Variants in TMEM163 observed in about 807,000 individuals in gnomAD.
TMEM163 encodes transmembrane protein 163.
A neutral mutation model predicts 29.3 loss-of-function variants in TMEM163; 17 were observed. The observed-to-expected ratio is 0.58, with a 90% CI of 0.40 to 0.87. The LOEUF (loss-of-function observed/expected upper bound fraction) is 0.87. Among genes scored for constraint, TMEM163 ranks in the 40% least tolerant of loss-of-function variants. The pLI, the probability that TMEM163 is intolerant of heterozygous loss-of-function variation, is 0.00. For missense variants in TMEM163, 303 were observed against 381.5 expected (o/e 0.79, Z 1.71); for synonymous variants, 157 against 160.6 (o/e 0.98, Z 0.17).
At chr2:134,656,551 TTCGGCCA>T (rs1683621364) in intron 2 of TMEM163, among the ~76,000 whole-genome samples, 1 of 152,202 alleles carries the variant, frequency 6.6e-6, no homozygotes, top group South Asian at 2.1e-4. Flanking sequence ...GCTGTTCCTA[TTCGGCCA>T]TCTTGGCTCC....
At chr2:134,512,804 G>A (rs562079953) in intron 4 of TMEM163, among the ~76,000 whole-genome samples, 21 of 152,306 alleles carry the variant, frequency 1.4e-4, no homozygotes, top group African/African-American at 5.1e-4. Context: ...GAAGCCACAG[G>A]GCGCACAAAC....
chr2:134,509,257 C>T (rs1013188590), intron 4 of TMEM163, among the ~76,000 whole-genome samples: 1 of 152,192 alleles, frequency 6.6e-6, no homozygotes, highest in African/African-American at 2.4e-5. Flanking sequence ...TAATTAAAAA[C>T]CAAATGGCCA....
chr2:134,661,852 G>A (rs1683758195), intron 2 of TMEM163, among the ~76,000 whole-genome samples: 2 of 151,666 alleles, frequency 1.3e-5, no homozygotes, highest in Admixed American at 1.3e-4. Flanking sequence ...AGTTTTAATG[G>A]AGTCAAAATT....
chr2:134,510,675 A>G (rs1356228923), intron 4 of TMEM163, among the ~76,000 whole-genome samples: 1 of 152,108 alleles, frequency 6.6e-6, no homozygotes, highest in East Asian at 1.9e-4. Context: ...GACACAAAGG[A>G]AGAGGTAGCG....
intron 4 of TMEM163, among the ~76,000 whole-genome samples, chr2:134,521,365 C>T (rs960269606): frequency 6.6e-6 from 1 of 152,094 alleles, no homozygotes; most frequent in Non-Finnish European, 1.5e-5. Flanking sequence ...CAATTTTGCA[C>T]CCTAGAGAAC....
intron 2 of TMEM163, among the ~76,000 whole-genome samples, chr2:134,670,255 A>C (rs1179520348): frequency 6.6e-6 from 1 of 152,174 alleles, no homozygotes; most frequent in Non-Finnish European, 1.5e-5. Flanking sequence ...CCTTTAAAAA[A>C]AAAAGTAAGA....
intron 5 of TMEM163, among the ~76,000 whole-genome samples, chr2:134,473,987 GAT>G (rs563960566): frequency 8.9e-4 from 136 of 152,036 alleles, no homozygotes; most frequent in African/African-American, 3.2e-3. Context: ...GAAAAAAAAA[GAT>G]AAAGAAGAAA....
chr2:134,638,936 G>C (rs12105552), intron 2 of TMEM163, among the ~76,000 whole-genome samples: 14,988 of 152,192 alleles, frequency 0.098, 869 homozygotes, highest in South Asian at 0.17. Flanking sequence ...AGAAGGGACA[G>C]GAATGGGAAC....
chr2:134,465,099 C>T (rs1170785886), intron 6 of TMEM163, among the ~76,000 whole-genome samples: 1 of 151,274 alleles, frequency 6.6e-6, no homozygotes, highest in Non-Finnish European at 1.5e-5. Flanking sequence ...CACCTGTAAT[C>T]CCAGCACTTT....
chr2:134,535,075 T>C (rs575666542), intron 4 of TMEM163, among the ~76,000 whole-genome samples: 1 of 152,372 alleles, frequency 6.6e-6, no homozygotes, highest in South Asian at 2.1e-4. Flanking sequence ...TTTCAGATTC[T>C]AACACATGTC....
chr2:134,614,838 A>T (rs1682573804), intron 2 of TMEM163, among the ~76,000 whole-genome samples: 1 of 151,890 alleles, frequency 6.6e-6, no homozygotes. Flanking sequence ...TGTGCGACAG[A>T]GTGAGAGACT....
chr2:134,461,140 A>C (rs1686525851), intron 6 of TMEM163, among the ~76,000 whole-genome samples: 1 of 152,304 alleles, frequency 6.6e-6, no homozygotes, highest in Non-Finnish European at 1.5e-5. Context: ...CTGTCCCCAC[A>C]GTTGCAACCA....
At chr2:134,647,050 A>G (rs930176695) in intron 2 of TMEM163, among the ~76,000 whole-genome samples, 1 of 152,168 alleles carries the variant, frequency 6.6e-6, no homozygotes, top group African/African-American at 2.4e-5. Flanking sequence ...AGTAACAAGA[A>G]GACAGGCTCG....
chr2:134,588,849 G>T (rs911190627), intron 2 of TMEM163, among the ~76,000 whole-genome samples: 1 of 152,288 alleles, frequency 6.6e-6, no homozygotes, highest in East Asian at 1.9e-4. Context: ...AAACGTTGGG[G>T]GGGGAAGAGG....
At chr2:134,466,433 T>C (rs931986926) in intron 5 of TMEM163, 9 of 547,490 alleles carry the variant, frequency 1.6e-5, no homozygotes, top group African/African-American at 1.3e-4. Flanking sequence ...TCCCAATTTA[T>C]ATTTACTTAA....
intron 2 of TMEM163, among the ~76,000 whole-genome samples, chr2:134,620,057 T>A (rs558204217): frequency 6.6e-6 from 1 of 152,172 alleles, no homozygotes; most frequent in South Asian, 2.1e-4. Flanking sequence ...TTACATCCAG[T>A]AACATGGCAA....
chr2:134,629,432 G>A (rs1263613920), intron 2 of TMEM163, among the ~76,000 whole-genome samples: 1 of 152,180 alleles, frequency 6.6e-6, no homozygotes, highest in Non-Finnish European at 1.5e-5. Context: ...TAACAAGCAT[G>A]TAACAGTATT....
intron 5 of TMEM163, among the ~76,000 whole-genome samples, chr2:134,480,308 G>A (rs1558917208): frequency 6.6e-6 from 1 of 152,090 alleles, no homozygotes; most frequent in Non-Finnish European, 1.5e-5. Context: ...TCTGCCTGGA[G>A]GTTCCACACA....
chr2:134,640,467 A>C (rs747579105), intron 2 of TMEM163, among the ~76,000 whole-genome samples: 3 of 152,172 alleles, frequency 2.0e-5, no homozygotes, highest in Non-Finnish European at 4.4e-5. Flanking sequence ...AAGATGAGGA[A>C]ATGGATAATA....
Sources: allele counts gnomAD v4.1 joint callset (sites outside exome capture counted in the v4.1 genomes callset), GRCh38; gene constraint gnomAD v4.1.1; transcripts MANE v1.5; gene names NCBI Gene and HGNC (gene_info 2026-07-23, HGNC 2026-07-21).